Variants in ZNF561 observed in about 807,000 individuals in gnomAD.
ZNF561 encodes the protein zinc finger protein 561.
A neutral mutation model predicts 16.7 loss-of-function variants in ZNF561; 16 were observed. The observed-to-expected ratio is 0.96, with a 90% CI of 0.65 to 1.45. The LOEUF (loss-of-function observed/expected upper bound fraction) is 1.45, where lower values mean the gene tolerates loss of function less well. Ranked by LOEUF, ZNF561 falls within the 40% of genes most tolerant of loss-of-function variation. The pLI, the probability that ZNF561 is intolerant of heterozygous loss-of-function variation, is 0.00. For missense variants in ZNF561, 580 were observed against 578.0 expected, an observed-to-expected ratio of 1.00 and a Z score of -0.04; for synonymous variants, 190 against 192.1, an observed-to-expected ratio of 0.99 and a Z score of 0.09.
At chr19:9,613,518 G>A (rs1202917190) in intron 5 of ZNF561, among the ~76,000 whole-genome samples, 1 of 151,724 alleles carries the variant, frequency 6.6e-6, no homozygotes, top group Non-Finnish European at 1.5e-5. Flanking sequence ...TACAGACTCA[G>A]TTTCTTTTCT....
At chr19:9,612,886 C>A (rs2144880281) in intron 5 of ZNF561, among the ~76,000 whole-genome samples, 1 of 152,314 alleles carries the variant, frequency 6.6e-6, no homozygotes, top group South Asian at 2.1e-4. Flanking sequence ...GCCTTAATCT[C>A]CCAGGCTGAA....
chr19:9,614,818 G>C (rs900466962), intron 4 of ZNF561, among the ~76,000 whole-genome samples: 1 of 151,884 alleles, frequency 6.6e-6, no homozygotes, highest in African/African-American at 2.4e-5. Context: ...AATCTTCTGA[G>C]GCAAAGTGCA....
At position 9,607,453 on chromosome 19, in the gene ZNF561, G is replaced by T. The variant is rs1479683715; in HGVS notation, c.*2747C>A. On this transcript the variant is annotated 3_prime_UTR_variant, in exon 6 of 6. Transcript: ENST00000302851. ...AGGAAGCATTTAATAAATTCAAGAGGAATTCAGCCTCATGAATTATGAAAT... is the reference window on the plus strand; with the variant it reads ...AGGAAGCATTTAATAAATTCAAGAGTAATTCAGCCTCATGAATTATGAAAT... The T allele has an allele frequency of 6.6e-6, 1 of 152,022 alleles. No homozygotes were observed. Among genetic ancestry groups the T allele is most frequent in the East Asian group, 1.9e-4 (1 of 5,196 alleles). The allele number at this position is 152,022 out of a possible 1,614,324, so 9.4% of individuals were successfully genotyped here.
At chr19:9,613,972 C>CT in intron 5 of ZNF561, 49 bp downstream of exon 5, 1 of 1,601,588 alleles carries the variant, frequency 6.2e-7, no homozygotes. Context: ...ATGGAATTCT[C>CT]TATCTTTTCT....
At chr19:9,618,828 G>C (rs943242696) in intron 2 of ZNF561, among the ~76,000 whole-genome samples, 1 of 151,832 alleles carries the variant, frequency 6.6e-6, no homozygotes, top group Non-Finnish European at 1.5e-5. Context: ...TTCTAAAACA[G>C]CATTCTGGCT....
chr19:9,614,210 C>T (rs886586018), intron 4 of ZNF561, 107 bp from the exon 5 acceptor site: 12 of 1,409,918 alleles, frequency 8.5e-6, no homozygotes, highest in African/African-American at 4.3e-5. Flanking sequence ...AAAATAAAAG[C>T]CAGAGAACCT....
Position 9,619,595 on chromosome 19 carries a change from A to G in ZNF561, c.-126-13T>C, listed in dbSNP as rs1380013445. The G allele has an allele frequency of 1.6e-6, 1 of 636,542 alleles. No individual in the cohort carries two copies. The highest frequency in any genetic ancestry group is 2.6e-6 in the Non-Finnish European group (1 of 388,896). The allele number at this position is 636,542 out of a possible 1,614,324, so 39.4% of individuals were successfully genotyped here. ...GTTATTTGCGGTCCTGTTCATATCA[A>G]TCATCAAACAACAAGCATGAAACAT... is the stretch of plus-strand genomic sequence containing the variant. On this transcript the variant is annotated splice_polypyrimidine_tract_variant and intron_variant, in intron 1 of 5. Coordinates refer to ENST00000302851, the MANE Select transcript of ZNF561 (RefSeq NM_152289.3).
intron 4 of ZNF561, among the ~76,000 whole-genome samples, chr19:9,616,409 TA>T (rs1354412974): frequency 6.6e-6 from 1 of 152,016 alleles, no homozygotes; most frequent in Non-Finnish European, 1.5e-5. Context: ...GCCTCCCAAG[TA>T]GCTGGGATTA....
rs957038237 is a variant in ZNF561 at position 9,618,178 on chromosome 19, C to A, written c.27G>T (p.Gly9=). The A allele has an allele frequency of 1.6e-5, 25 of 1,550,472 alleles. No homozygotes were observed. In the Admixed American group the frequency reaches 2.9e-4, roughly 18 times the overall value. The change falls in exon 3 of 6, where the codon GGG becomes GGT. Residue 9 remains glycine (G), a splice_region_variant and synonymous_variant. Transcript: ENST00000302851. ...GGCAGATTGGTTCCCTGGAAAAAAA[C>A]CCTAGTGGAAAAGTAAGAAGGCATG... is the stretch of plus-strand genomic sequence containing the variant. MAAIYLSR[G]FFSREPICPF... is the part of the protein sequence containing the mutation.
intron 4 of ZNF561, among the ~76,000 whole-genome samples, chr19:9,614,527 C>T (rs1040396724): frequency 6.6e-6 from 1 of 152,150 alleles, no homozygotes; most frequent in Non-Finnish European, 1.5e-5. Flanking sequence ...ATTGCTTGAA[C>T]CTGGGAGGCA....
intron 4 of ZNF561, 105 bp downstream of exon 4, chr19:9,616,940 T>C: frequency 1.4e-6 from 2 of 1,429,426 alleles, no homozygotes; most frequent in East Asian, 2.4e-5. Flanking sequence ...TTGCCCATGC[T>C]AGTATCAAAC....
Position 9,607,787 on chromosome 19 carries a change from T to C in ZNF561, c.*2413A>G, listed in dbSNP as rs2074376204. 6.6e-6 allele frequency: 1 copy of C among 152,206 alleles called. No individual in the cohort carries two copies. Among genetic ancestry groups the C allele is most frequent in the Non-Finnish European group, 1.5e-5 (1 of 68,040 alleles). 9.4% of individuals were successfully genotyped at this position (152,206 alleles called of 1,614,324 possible). ...TATGTGGAAACGGAAAAGAATCATATTAAGTACTTTGGACTGAATGATAAC... is the reference window on the plus strand; with the variant it reads ...TATGTGGAAACGGAAAAGAATCATACTAAGTACTTTGGACTGAATGATAAC... On this transcript the variant is annotated 3_prime_UTR_variant, in exon 6 of 6. Coordinates refer to ENST00000302851, the MANE Select transcript of ZNF561 (RefSeq NM_152289.3).
intron 5 of ZNF561, among the ~76,000 whole-genome samples, 166 bp from the exon 6 acceptor site, chr19:9,611,502 C>A (rs531103947): frequency 1.3e-5 from 2 of 152,198 alleles, no homozygotes; most frequent in South Asian, 4.2e-4. Flanking sequence ...GTCTGGAGTG[C>A]ATGGCACACT....
intron 2 of ZNF561, chr19:9,618,956 A>C (rs573520247): frequency 2.0e-5 from 3 of 152,426 alleles, no homozygotes; most frequent in Non-Finnish European, 4.4e-5. Context: ...ATCTCTACTA[A>C]AAATAGAAAA....
rs1340153814 is a variant in ZNF561, at chr19:9,610,662, T to C, written c.999A>G (p.Gly333=). 6.2e-7 allele frequency: 1 copy of C among 1,614,094 alleles called. No individual in the cohort carries two copies. The highest frequency in any genetic ancestry group is 8.5e-7 in the Non-Finnish European group (1 of 1,180,044). ...QLTEHVRTHT[G]IKPYECKECG... is the part of the protein sequence containing the mutation. Reference sequence around the variant, plus strand: ...ATTCCTTACATTCATAGGGTTTTATTCCAGTGTGAGTTCTTACATGTTCAG... The same window carrying C: ...ATTCCTTACATTCATAGGGTTTTATCCCAGTGTGAGTTCTTACATGTTCAG... Residue 333 remains glycine, a synonymous_variant, in exon 6 of 6, where the codon GGA becomes GGG. Transcript: ENST00000302851.
At chr19:9,612,285 T>A (rs907493739) in intron 5 of ZNF561, among the ~76,000 whole-genome samples, 4 of 152,124 alleles carry the variant, frequency 2.6e-5, no homozygotes, top group African/African-American at 7.2e-5. Flanking sequence ...AGTGGCGAGA[T>A]CTTGGCTCAC....
intron 1 of ZNF561, among the ~76,000 whole-genome samples, chr19:9,620,627 C>T (rs956577289): frequency 1.6e-4 from 24 of 152,012 alleles, no homozygotes; most frequent in Non-Finnish European, 2.5e-4. Context: ...ATGGTGTTAC[C>T]CCCCCGCCAT....
intron 4 of ZNF561, among the ~76,000 whole-genome samples, chr19:9,616,366 C>A (rs1172685749): frequency 6.6e-6 from 1 of 152,136 alleles, no homozygotes; most frequent in Non-Finnish European, 1.5e-5. Flanking sequence ...ACTGCAACTT[C>A]TGCCTCCTTG....
intron 1 of ZNF561, among the ~76,000 whole-genome samples, chr19:9,620,014 G>C (rs1568239708): frequency 6.6e-6 from 1 of 151,534 alleles, no homozygotes. Flanking sequence ...CTGTAGCCTA[G>C]ACTTCCCGGG....
Sources: allele counts gnomAD v4.1 joint callset (sites outside exome capture counted in the v4.1 genomes callset), GRCh38; gene constraint gnomAD v4.1.1; transcripts MANE v1.5; gene names NCBI Gene and HGNC (gene_info 2026-07-23, HGNC 2026-07-21).